Variants in CADM1 observed in about 807,000 individuals in gnomAD.
CADM1 encodes the protein TSLC-1.
CADM1 carries 15 observed loss-of-function variants against 53.1 expected under a neutral mutation model. The observed-to-expected ratio is 0.28, with a 90% confidence interval of 0.19 to 0.44. The LOEUF (loss-of-function observed/expected upper bound fraction) is 0.44, where lower values mean the gene tolerates loss of function less well. CADM1 is among the 20% of genes least tolerant of loss of function. The pLI, the probability that CADM1 is intolerant of heterozygous loss-of-function variation, is 1.00. For synonymous variants in CADM1, 281 were observed against 243.0 expected (o/e 1.16, Z -1.45); for missense variants, 434 against 611.3 (o/e 0.71, Z 3.06).
At chr11:115,436,843 G>A (rs1591236967) in intron 1 of CADM1, among the ~76,000 whole-genome samples, 1 of 152,170 alleles carries the variant, frequency 6.6e-6, no homozygotes, top group East Asian at 1.9e-4. Context: ...TTTAATTTTT[G>A]TTGAAAAAAG....
intron 1 of CADM1, among the ~76,000 whole-genome samples, chr11:115,398,028 T>C (rs1400604604): frequency 6.6e-6 from 1 of 152,128 alleles, no homozygotes; most frequent in Non-Finnish European, 1.5e-5. Flanking sequence ...CCCATCCAAA[T>C]CAGATGACAA....
intron 9 of CADM1, among the ~76,000 whole-genome samples, chr11:115,192,349 T>C (rs978672716): frequency 2.0e-5 from 3 of 152,134 alleles, no homozygotes; most frequent in Non-Finnish European, 2.9e-5. Context: ...AGCCCACAGG[T>C]ATTCCCAAAC....
At chr11:115,218,306 C>T (rs1362071081) in intron 5 of CADM1, among the ~76,000 whole-genome samples, 1 of 152,158 alleles carries the variant, frequency 6.6e-6, no homozygotes, top group Admixed American at 6.6e-5. Context: ...ACTCATTTGC[C>T]TTCATGCTGA....
intron 1 of CADM1, among the ~76,000 whole-genome samples, chr11:115,293,824 T>G (rs542045982): frequency 1.1e-4 from 16 of 152,164 alleles, no homozygotes; most frequent in Non-Finnish European, 1.8e-4. Context: ...AGAAACAGAA[T>G]AAGAAGCAAA....
intron 1 of CADM1, among the ~76,000 whole-genome samples, chr11:115,398,194 G>A (rs767578896): frequency 1.2e-4 from 18 of 152,154 alleles, no homozygotes; most frequent in Non-Finnish European, 1.9e-4. Flanking sequence ...ATTTTAGAAC[G>A]TGCCATCCAA....
Position 115,312,540 on chromosome 11 carries a change from A to G in CADM1, c.125-72120T>C, listed in dbSNP as rs76185368. Among the ~76,000 whole-genome samples, 19 of 152,338 alleles carry G rather than the reference A, an allele frequency of 1.2e-4. No individual in the cohort carries two copies. The East Asian group carries it at 3.3e-3, about 26-fold the overall frequency. On this transcript the variant is annotated intron_variant, in intron 1 of 11. Coordinates refer to ENST00000331581, the MANE Select transcript of CADM1 (RefSeq NM_001301043.2). Reference sequence around the variant, plus strand: ...AACACCTACTTCTACTTCATGCCGTATCAATATTAGAGCAACAAGATATAT... The same window carrying G: ...AACACCTACTTCTACTTCATGCCGTGTCAATATTAGAGCAACAAGATATAT...
intron 1 of CADM1, among the ~76,000 whole-genome samples, chr11:115,323,826 G>A (rs1036994149): frequency 3.5e-4 from 53 of 152,022 alleles, no homozygotes; most frequent in African/African-American, 1.2e-3. Flanking sequence ...TAAATATTCT[G>A]AAGGAGGATT....
rs762526089 is a variant in CADM1 at position 115,176,451 on chromosome 11, C to G, written c.*23G>C. ...CATCTAAATAGGGCCAGTTGGACAC[C>G]TCATTGAAACAAAAAGGCTGATCTA... On this transcript the variant is annotated 3_prime_UTR_variant, in exon 12 of 12. Coordinates refer to ENST00000331581, the MANE Select transcript of CADM1 (RefSeq NM_001301043.2). 9 of 1,613,176 alleles carry G rather than the reference C, an allele frequency of 5.6e-6. No individual in the cohort carries two copies. Among genetic ancestry groups the G allele is most frequent in the Middle Eastern group, 1.7e-4 (1 of 6,058 alleles).
intron 10 of CADM1, among the ~76,000 whole-genome samples, chr11:115,181,130 C>A (rs1257977701): frequency 2.2e-5 from 3 of 138,628 alleles, no homozygotes; most frequent in African/African-American, 8.3e-5. Flanking sequence ...CGCCTCCTCT[C>A]CATGCCTAGA....
At chr11:115,382,630 A>T (rs1946606383) in intron 1 of CADM1, among the ~76,000 whole-genome samples, 2 of 152,250 alleles carry the variant, frequency 1.3e-5, no homozygotes, top group African/African-American at 2.4e-5. Context: ...TAGAGATTTT[A>T]TGTTAAATCT....
chr11:115,235,164 G>A (rs770979565), intron 3 of CADM1, among the ~76,000 whole-genome samples: 1 of 147,672 alleles, frequency 6.8e-6, no homozygotes, highest in South Asian at 2.1e-4. Context: ...AGCTGACTTT[G>A]CTCAGTTTTT....
intron 1 of CADM1, among the ~76,000 whole-genome samples, chr11:115,289,721 G>A (rs1943835472): frequency 2.7e-5 from 4 of 149,812 alleles, no homozygotes; most frequent in Middle Eastern, 3.6e-3. Context: ...TCAGCTTCCC[G>A]AGTAGCTGGG....
chr11:115,400,227 GT>G (rs1947101874), intron 1 of CADM1, among the ~76,000 whole-genome samples: 1 of 152,098 alleles, frequency 6.6e-6, no homozygotes, highest in Non-Finnish European at 1.5e-5. Flanking sequence ...CAGTGTACGT[GT>G]GTGTCTGTGT....
intron 1 of CADM1, among the ~76,000 whole-genome samples, chr11:115,293,100 G>A (rs1372348782): frequency 1.3e-5 from 2 of 152,088 alleles, no homozygotes; most frequent in Non-Finnish European, 2.9e-5. Context: ...GAGGAGAAGA[G>A]GCAGAAAATC....
intron 1 of CADM1, among the ~76,000 whole-genome samples, chr11:115,372,339 A>AT (rs1418264863): frequency 6.6e-6 from 1 of 152,100 alleles, no homozygotes; most frequent in East Asian, 1.9e-4. Context: ...TATTTTTCTT[A>AT]TATTGTACTT....
intron 3 of CADM1, among the ~76,000 whole-genome samples, chr11:115,232,768 G>A (rs1228165615): frequency 1.3e-5 from 2 of 152,116 alleles, no homozygotes; most frequent in Non-Finnish European, 2.9e-5. Flanking sequence ...ATAAAAATCA[G>A]TAAGAATACT....
rs553910697 is a variant in CADM1 at position 115,413,933 on chromosome 11, A to C, written c.124+90338T>G. ...GCTGGGATTACAGGTGTGAGCCACC[A>C]CACCCGGCTCCAGTTCAGTTCTTAA... On this transcript the variant is annotated intron_variant, in intron 1 of 11. Coordinates refer to ENST00000331581, the MANE Select transcript of CADM1 (RefSeq NM_001301043.2). Among the ~76,000 whole-genome samples, 4 of 152,030 alleles carry C rather than the reference A, an allele frequency of 2.6e-5. No homozygotes were observed. The East Asian group carries it at 7.8e-4, about 29-fold the overall frequency.
chr11:115,308,192 G>GTATATATA lies in CADM1; in HGVS notation c.125-67773_125-67772insTATATATA, dbSNP rs1387092815. Among the ~76,000 whole-genome samples, 20 of 70,482 alleles carry GTATATATA rather than the reference G, an allele frequency of 2.8e-4. 1 individual carries two copies. The highest frequency in any genetic ancestry group is 9.5e-4 in the African/African-American group (15 of 15,784). 46.2% of individuals were successfully genotyped at this position (70,482 alleles called of 152,430 possible). ...GTGTGTGTGTATATCACTCATAGGT[G>GTATATATA]TGTATATATATATATATATACACAC... is the stretch of plus-strand genomic sequence containing the variant. On this transcript the variant is annotated intron_variant, in intron 1 of 11. Transcript: ENST00000331581.
chr11:115,480,013 T>C (rs1949224399), intron 1 of CADM1, among the ~76,000 whole-genome samples: 2 of 152,212 alleles, frequency 1.3e-5, no homozygotes, highest in Non-Finnish European at 2.9e-5. Flanking sequence ...AATTTTAAAA[T>C]GTGTGAATAA....
Sources: allele counts gnomAD v4.1 joint callset (sites outside exome capture counted in the v4.1 genomes callset), GRCh38; gene constraint gnomAD v4.1.1; transcripts MANE v1.5; gene names NCBI Gene and HGNC (gene_info 2026-07-23, HGNC 2026-07-21).